LCORL: variants seen among roughly 807,000 people sequenced by gnomAD.
The protein encoded by LCORL is ligand-dependent nuclear receptor corepressor-like protein.
Under a neutral mutation model 141.8 loss-of-function variants are expected in LCORL, and 41 were observed. The observed-to-expected ratio is 0.29, with a 90% CI of 0.23 to 0.38. The LOEUF (loss-of-function observed/expected upper bound fraction) is 0.38. Ranked by LOEUF, LCORL falls within the 10% of genes least tolerant of loss-of-function variation. The probability of loss-of-function intolerance (pLI) is 1.00; values close to 1 mark genes in which losing one functional copy is unlikely to be tolerated. For synonymous variants in LCORL, 618 were observed against 694.1 expected, an observed-to-expected ratio of 0.89 and a Z score of 1.72; for missense variants, 1,759 against 2,035.0, an observed-to-expected ratio of 0.86 and a Z score of 2.61.
intron 7 of LCORL, among the ~76,000 whole-genome samples, chr4:17,857,261 T>C (rs1446986650): frequency 2.7e-5 from 4 of 145,742 alleles, no homozygotes; most frequent in African/African-American, 7.7e-5. Context: ...AGGAGAGACA[T>C]GGGGGTGGGG....
At chr4:18,005,817 G>A (rs114160166) in intron 1 of LCORL, among the ~76,000 whole-genome samples, 5 of 152,206 alleles carry the variant, frequency 3.3e-5, no homozygotes, top group South Asian at 2.1e-4. Context: ...CCATGCATCC[G>A]GCCCATGAAA....
chr4:17,872,757 A>G (rs899182000), intron 7 of LCORL, among the ~76,000 whole-genome samples: 2 of 152,142 alleles, frequency 1.3e-5, no homozygotes, highest in Admixed American at 6.5e-5. Flanking sequence ...AATGAGCTCA[A>G]TGTCTGATAT....
At chr4:17,904,800 C>T (rs1731367271) in intron 5 of LCORL, among the ~76,000 whole-genome samples, 1 of 152,028 alleles carries the variant, frequency 6.6e-6, no homozygotes, top group African/African-American at 2.4e-5. Context: ...AATGCTGCTA[C>T]GTTTAGCAAG....
At chr4:17,846,061 T>C (rs183894250) in intron 7 of LCORL, among the ~76,000 whole-genome samples, 160 bp from the exon 8 acceptor site, 38 of 152,300 alleles carry the variant, frequency 2.5e-4, no homozygotes, top group African/African-American at 8.7e-4. Flanking sequence ...TCCCGCCTAC[T>C]TACTGAACTA....
intron 1 of LCORL, among the ~76,000 whole-genome samples, chr4:17,996,782 G>C (rs1227213132): frequency 6.6e-6 from 1 of 151,990 alleles, no homozygotes; most frequent in Non-Finnish European, 1.5e-5. Flanking sequence ...GAAAATTCCA[G>C]GTTCACTAAA....
intron 1 of LCORL, among the ~76,000 whole-genome samples, chr4:18,010,377 C>CATATAT (rs962762056): frequency 1.3e-5 from 2 of 148,584 alleles, no homozygotes; most frequent in African/African-American, 5.1e-5. Flanking sequence ...TGTATGGGTA[C>CATATAT]ATATATATAT....
exon 8 of LCORL, chr4:17,845,878 T>C: frequency 6.2e-7 from 1 of 1,610,522 alleles, no homozygotes; most frequent in Non-Finnish European, 8.5e-7. Flanking sequence ...ATTCAGTTTC[T>C]CATCAGTTTT....
intron 4 of LCORL, among the ~76,000 whole-genome samples, chr4:17,937,796 A>G (rs1737109987): frequency 6.6e-6 from 1 of 152,140 alleles, no homozygotes; most frequent in Non-Finnish European, 1.5e-5. Flanking sequence ...TTCAAACAAA[A>G]ACAGGAACTA....
At chr4:17,886,680 T>G (rs1192948809) in intron 5 of LCORL, among the ~76,000 whole-genome samples, 1 of 152,110 alleles carries the variant, frequency 6.6e-6, no homozygotes, top group Non-Finnish European at 1.5e-5. Context: ...AATTTTACTC[T>G]TTTAAATTAT....
chr4:17,863,765 A>AT (rs1436972109), intron 7 of LCORL, among the ~76,000 whole-genome samples: 1 of 152,230 alleles, frequency 6.6e-6, no homozygotes, highest in Non-Finnish European at 1.5e-5. Context: ...CAATGGTAGA[A>AT]TAGGTAAAGA....
At chr4:17,886,572 T>C (rs1728296831) in intron 5 of LCORL, among the ~76,000 whole-genome samples, 1 of 152,016 alleles carries the variant, frequency 6.6e-6, no homozygotes, top group East Asian at 1.9e-4. Flanking sequence ...AATGTGATGA[T>C]GAGTAAGAGA....
At chr4:17,850,829 G>C (rs1004794046) in intron 7 of LCORL, among the ~76,000 whole-genome samples, 8 of 147,948 alleles carry the variant, frequency 5.4e-5, no homozygotes, top group Non-Finnish European at 1.2e-4. Context: ...ACATGCACAC[G>C]TATGTTTATT....
chr4:17,952,578 G>A (rs1373968024), intron 4 of LCORL, among the ~76,000 whole-genome samples: 1 of 151,976 alleles, frequency 6.6e-6, no homozygotes, highest in Admixed American at 6.6e-5. Flanking sequence ...ACCACGCCCG[G>A]CTAATTTTTT....
At chr4:17,951,667 T>G (rs75821218) in intron 4 of LCORL, among the ~76,000 whole-genome samples, 31 of 152,352 alleles carry the variant, frequency 2.0e-4, no homozygotes, top group African/African-American at 7.5e-4. Context: ...TTTGGATGTG[T>G]GTATATACAC....
exon 7 of LCORL, chr4:17,873,815 T>C (rs939422694): frequency 3.2e-6 from 4 of 1,233,932 alleles, no homozygotes; most frequent in Non-Finnish European, 4.0e-6. Flanking sequence ...TTCTACAGTC[T>C]TTTAAGGTTT....
chr4:17,880,399 T>C, intron 6 of LCORL: 1 of 850,344 alleles, frequency 1.2e-6, no homozygotes, highest in South Asian at 5.4e-5. Flanking sequence ...TGTATTTTTT[T>C]TGTAGATCCT....
intron 6 of LCORL, among the ~76,000 whole-genome samples, chr4:17,878,580 A>T (rs1727164564): frequency 6.6e-6 from 1 of 151,382 alleles, no homozygotes; most frequent in Admixed American, 6.6e-5. Flanking sequence ...CTGATACATA[A>T]TTATCAGTCT....
chr4:17,962,172 C>A, intron 3 of LCORL, 140 bp from the exon 4 acceptor site: 22 of 397,516 alleles, frequency 5.5e-5, no homozygotes, highest in Admixed American at 9.1e-5. Context: ...ATAGAGGGAA[C>A]ATAAAATTCA....
intron 6 of LCORL, chr4:17,881,705 T>C (rs1286074329): frequency 2.1e-6 from 2 of 940,534 alleles, no homozygotes; most frequent in South Asian, 4.9e-5. Context: ...AATGTAAATA[T>C]AGTGTGAGGA....
Sources: allele counts gnomAD v4.1 joint callset (sites outside exome capture counted in the v4.1 genomes callset), GRCh38; gene constraint gnomAD v4.1.1; transcripts MANE v1.5; gene names NCBI Gene and HGNC (gene_info 2026-07-23, HGNC 2026-07-21).